NALCN: variants seen among roughly 807,000 people sequenced by gnomAD.
The protein encoded by NALCN is sodium leak channel NALCN.
In NALCN, 111 loss-of-function variants were observed where a neutral mutation model predicts 225.3. The observed-to-expected ratio is 0.49, with a 90% CI of 0.42 to 0.58. NALCN has a LOEUF of 0.58. NALCN is among the 20% of genes least tolerant of loss of function. NALCN has a pLI of 0.00. For missense variants in NALCN, 1,378 were observed against 2,202.4 expected, an observed-to-expected ratio of 0.63 and a Z score of 7.49; for synonymous variants, 764 against 769.0, an observed-to-expected ratio of 0.99 and a Z score of 0.11.
intron 13 of NALCN, among the ~76,000 whole-genome samples, chr13:101,226,709 C>T (rs1375312675): frequency 6.6e-6 from 1 of 152,216 alleles, no homozygotes; most frequent in Non-Finnish European, 1.5e-5. Context: ...CATCCCCACC[C>T]TAGACATGGT....
intron 17 of NALCN, among the ~76,000 whole-genome samples, chr13:101,131,513 A>T (rs1151385): frequency 0.14 from 20,631 of 151,974 alleles, 2,764 homozygotes; most frequent in African/African-American, 0.35. Context: ...CTGTTTCCCA[A>T]TCCTCCTCCC....
At chr13:101,256,912 C>T (rs1437814561) in intron 11 of NALCN, among the ~76,000 whole-genome samples, 5 of 151,598 alleles carry the variant, frequency 3.3e-5, no homozygotes, top group Non-Finnish European at 5.9e-5. Flanking sequence ...TACAGGTGCC[C>T]GACACTACAC....
At chr13:101,129,798 T>C (rs1431354852) in intron 17 of NALCN, among the ~76,000 whole-genome samples, 1 of 151,598 alleles carries the variant, frequency 6.6e-6, no homozygotes, top group Non-Finnish European at 1.5e-5. Context: ...GGTATGCATG[T>C]CCCACAGTGG....
chr13:101,279,484 T>C (rs1446705113), intron 10 of NALCN, among the ~76,000 whole-genome samples: 1 of 152,240 alleles, frequency 6.6e-6, no homozygotes, highest in Non-Finnish European at 1.5e-5. Context: ...ATTTCCATAT[T>C]AATTTTTTAT....
chr13:101,318,217 C>T (rs1467380980), intron 7 of NALCN, among the ~76,000 whole-genome samples: 1 of 152,134 alleles, frequency 6.6e-6, no homozygotes, highest in Non-Finnish European at 1.5e-5. Flanking sequence ...ACTTTCACTA[C>T]CAGCCTGGAT....
At chr13:101,276,236 G>A (rs866409495) in intron 10 of NALCN, among the ~76,000 whole-genome samples, 2 of 152,060 alleles carry the variant, frequency 1.3e-5, no homozygotes, top group Admixed American at 6.6e-5. Flanking sequence ...TCGTTTTAAC[G>A]TGAGGATAAA....
At chr13:101,370,045 T>G (rs1295841444) in intron 6 of NALCN, among the ~76,000 whole-genome samples, 1 of 152,200 alleles carries the variant, frequency 6.6e-6, no homozygotes, top group Non-Finnish European at 1.5e-5. Flanking sequence ...CATGTTAATA[T>G]TATCTGTCTA....
intron 16 of NALCN, among the ~76,000 whole-genome samples, chr13:101,144,385 G>A (rs779557410): frequency 6.6e-6 from 1 of 152,166 alleles, no homozygotes; most frequent in Non-Finnish European, 1.5e-5. Flanking sequence ...GGGCCACAGA[G>A]GCAATTTTAG....
At chr13:101,269,690 C>T (rs1489052498) in intron 10 of NALCN, among the ~76,000 whole-genome samples, 1 of 152,158 alleles carries the variant, frequency 6.6e-6, no homozygotes, top group African/African-American at 2.4e-5. Context: ...GGAAGCCACA[C>T]CATTCTGCTT....
chr13:101,182,124 AC>A (rs1284958916), intron 14 of NALCN, among the ~76,000 whole-genome samples: 3 of 101,820 alleles, frequency 2.9e-5, no homozygotes, highest in Non-Finnish European at 5.5e-5. Flanking sequence ...ACAGAGCGAG[AC>A]TCCATCTCAA....
intron 27 of NALCN, among the ~76,000 whole-genome samples, chr13:101,098,436 A>G (rs2034631268): frequency 2.0e-5 from 3 of 152,152 alleles, no homozygotes; most frequent in Non-Finnish European, 4.4e-5. Context: ...CTATTTGTCA[A>G]AAGGTATCCT....
chr13:101,215,787 G>A (rs903800244), intron 13 of NALCN, among the ~76,000 whole-genome samples: 1 of 151,922 alleles, frequency 6.6e-6, no homozygotes, highest in Non-Finnish European at 1.5e-5. Context: ...CATGTGCCAC[G>A]TTGGTGTGCT....
intron 12 of NALCN, among the ~76,000 whole-genome samples, chr13:101,236,782 C>G (rs9557599): frequency 0.6 from 67,425 of 111,900 alleles, 20,545 homozygotes; most frequent in East Asian, 0.94. Flanking sequence ...GGGGAGGGGG[C>G]AGGGATAGCT....
intron 14 of NALCN, among the ~76,000 whole-genome samples, chr13:101,187,861 T>C (rs1451625374): frequency 6.6e-6 from 1 of 152,166 alleles, no homozygotes; most frequent in Non-Finnish European, 1.5e-5. Context: ...ATTTTAGACG[T>C]TGAGGGTCAT....
chr13:101,279,539 GGGCGC>G (rs2043076937), intron 10 of NALCN, among the ~76,000 whole-genome samples: 1 of 152,040 alleles, frequency 6.6e-6, no homozygotes, highest in Non-Finnish European at 1.5e-5. Context: ...AAAAAGGGCC[GGGCGC>G]GGTGGCTCAC....
At position 101,103,867 on chromosome 13, in the gene NALCN, C is replaced by T. The variant is rs565689615; in HGVS notation, c.2889+428G>A. Among the ~76,000 whole-genome samples, 136 of 152,192 alleles carry T rather than the reference C, an allele frequency of 8.9e-4. 2 individuals carry two copies. Among genetic ancestry groups the T allele is most frequent in the East Asian group, 1.7e-3 (9 of 5,180 alleles). On this transcript the variant is annotated intron_variant, in intron 25 of 43. Coordinates refer to ENST00000251127, the MANE Select transcript of NALCN (RefSeq NM_052867.4). ...AACTGCTATAGCCAGGTATTTTATG[C>T]AATGGAATCAGGAGAGAGATACAAT...
chr13:101,187,274 T>G (rs749618265), intron 14 of NALCN, among the ~76,000 whole-genome samples: 1 of 152,238 alleles, frequency 6.6e-6, no homozygotes, highest in African/African-American at 2.4e-5. Context: ...ATCAAAGTTA[T>G]GTATGTATAA....
At chr13:101,135,072 G>A (rs1225875250) in intron 17 of NALCN, among the ~76,000 whole-genome samples, 1 of 152,146 alleles carries the variant, frequency 6.6e-6, no homozygotes, top group Non-Finnish European at 1.5e-5. Flanking sequence ...GCGGGCGCCT[G>A]TAGTCCCAGC....
intron 6 of NALCN, among the ~76,000 whole-genome samples, chr13:101,354,484 C>T (rs2045992859): frequency 1.3e-5 from 2 of 152,202 alleles, no homozygotes; most frequent in South Asian, 4.1e-4. Flanking sequence ...GATCCTCACG[C>T]AGCAACTTTT....
Sources: gnomAD v4.1 joint callset for allele counts (sites outside exome capture counted in the v4.1 genomes callset) on GRCh38, gnomAD v4.1.1 for gene constraint, MANE v1.5 for transcripts, NCBI Gene and HGNC (gene_info 2026-07-23, HGNC 2026-07-21) for gene names.